Variants in COL22A1 observed in about 807,000 individuals in gnomAD.
The protein encoded by COL22A1 is collagen alpha-1(XXII) chain.
In COL22A1, 221 loss-of-function variants were observed where a neutral mutation model predicts 248.9. The ratio of observed to expected loss-of-function variants is 0.89; its 90% confidence interval spans 0.80 to 0.99. The LOEUF is 0.99. COL22A1 is among the 50% of genes least tolerant of loss of function. The probability of loss-of-function intolerance (pLI) is 0.00; values close to 1 mark genes in which losing one functional copy is unlikely to be tolerated. For synonymous variants in COL22A1, 891 were observed against 793.4 expected, an observed-to-expected ratio of 1.12 and a Z score of -2.07; for missense variants, 2,240 against 2,179.0, an observed-to-expected ratio of 1.03 and a Z score of -0.56.
At chr8:138,794,924 G>A (rs1816369802) in intron 12 of COL22A1, among the ~76,000 whole-genome samples, 1 of 152,076 alleles carries the variant, frequency 6.6e-6, no homozygotes, top group East Asian at 1.9e-4. Flanking sequence ...ATGGGGAGAT[G>A]CCAATTAATG....
rs761797495 is a variant in COL22A1 at position 138,694,864 on chromosome 8, T to C, written c.2608A>G (p.Lys870Glu). 3 of 1,614,052 alleles carry C rather than the reference T, an allele frequency of 1.9e-6. No individual in the cohort carries two copies. The South Asian group carries it at 3.3e-5, about 18-fold the overall frequency. ...AGGCCTGGATCGCCCTTCTCTCCTTTGGGCCCTTGTTCTCCCTGTTGGTGA... is the reference window on the plus strand; with the variant it reads ...AGGCCTGGATCGCCCTTCTCTCCTTCGGGCCCTTGTTCTCCCTGTTGGTGA... Reference protein sequence around the residue: ...HPRMPGEQGPKGEKGDPGLPG... With the variant: ...HPRMPGEQGPEGEKGDPGLPG... The change falls in exon 33 of 65, where the codon AAA (lysine) becomes GAA (glutamate). Residue 870 changes from lysine to glutamate, a missense_variant. Lys to Glu is a moderately conservative substitution (Grantham distance 56, BLOSUM62 1). Coordinates refer to ENST00000303045, the MANE Select transcript of COL22A1 (RefSeq NM_152888.3).
chr8:138,825,290 G>T (rs1027377284), intron 6 of COL22A1, among the ~76,000 whole-genome samples: 1 of 152,162 alleles, frequency 6.6e-6, no homozygotes, highest in Admixed American at 6.5e-5. Context: ...ATCTCAGTAT[G>T]ACCAGGGATG....
intron 56 of COL22A1, among the ~76,000 whole-genome samples, chr8:138,611,886 A>G (rs568325749): frequency 3.3e-5 from 5 of 152,362 alleles, no homozygotes; most frequent in African/African-American, 9.6e-5. Flanking sequence ...TGGAGAATAC[A>G]GGATTTGGCA....
At chr8:138,634,594 G>A (rs1820991160) in intron 49 of COL22A1, among the ~76,000 whole-genome samples, 1 of 152,072 alleles carries the variant, frequency 6.6e-6, no homozygotes, top group Non-Finnish European at 1.5e-5. Flanking sequence ...ATTTGCTCAG[G>A]GGGCCCAGTG....
At chr8:138,801,464 G>A (rs1816994967) in intron 11 of COL22A1, among the ~76,000 whole-genome samples, 1 of 152,152 alleles carries the variant, frequency 6.6e-6, no homozygotes, top group Non-Finnish European at 1.5e-5. Flanking sequence ...GAAGAGGCTT[G>A]TTTCCTGGGT....
rs59097266 is a variant in COL22A1 at position 138,838,772 on chromosome 8, TA to T, written c.733+5311del. On this transcript the variant is annotated intron_variant, in intron 4 of 64. Coordinates refer to ENST00000303045, the MANE Select transcript of COL22A1 (RefSeq NM_152888.3). Reference sequence around the variant, plus strand: ...GGCTGTGATGCAAGGCACTGTGAGATAAAAAAAAAGCAATTGTTTTATGCAA... The same window carrying T: ...GGCTGTGATGCAAGGCACTGTGAGATAAAAAAAAGCAATTGTTTTATGCAA... Among the ~76,000 whole-genome samples the T allele has an allele frequency of 5.7e-3, 853 of 150,354 alleles. 5 individuals carry two copies. The highest frequency in any genetic ancestry group is 0.018 in the African/African-American group (756 of 41,006).
At chr8:138,626,266 A>G in intron 50 of COL22A1, 23 bp from the exon 51 acceptor site, 1 of 1,594,320 alleles carries the variant, frequency 6.3e-7, no homozygotes, top group African/African-American at 1.3e-5. Flanking sequence ...AGACATAAAA[A>G]CACCATGAAA....
At chr8:138,837,489 G>C (rs149688746) in intron 4 of COL22A1, among the ~76,000 whole-genome samples, 121 of 152,316 alleles carry the variant, frequency 7.9e-4, no homozygotes, top group Middle Eastern at 6.8e-3. Context: ...TGCCCCAGAG[G>C]CTGCAGTCTC....
intron 47 of COL22A1, among the ~76,000 whole-genome samples, chr8:138,643,196 T>C (rs535199251): frequency 3.1e-3 from 471 of 152,044 alleles, no homozygotes; most frequent in African/African-American, 0.01. Context: ...CAGTAAGGAG[T>C]TCCAACATTT....
At chr8:138,901,358 G>GTTTTTTTTTTTT (rs146670099) in intron 1 of COL22A1, among the ~76,000 whole-genome samples, 2 of 131,512 alleles carry the variant, frequency 1.5e-5, no homozygotes, top group African/African-American at 5.6e-5. Context: ...TTACTGGCAG[G>GTTTTTTTTTTTT]TTTTTTTTTT....
At chr8:138,630,443 G>A (rs542238302) in intron 50 of COL22A1, among the ~76,000 whole-genome samples, 1 of 152,324 alleles carries the variant, frequency 6.6e-6, no homozygotes, top group African/African-American at 2.4e-5. Flanking sequence ...ATTGACAGTT[G>A]TAAACTGAAT....
At chr8:138,815,394 TA>T (rs1048597848) in intron 7 of COL22A1, among the ~76,000 whole-genome samples, 4 of 152,160 alleles carry the variant, frequency 2.6e-5, no homozygotes, top group African/African-American at 9.7e-5. Flanking sequence ...CTTGCTAATG[TA>T]TCAGAGCTGT....
chr8:138,746,479 A>G (rs1040270378), intron 22 of COL22A1, among the ~76,000 whole-genome samples: 2 of 152,232 alleles, frequency 1.3e-5, no homozygotes, highest in Non-Finnish European at 2.9e-5. Context: ...ACAACATTAC[A>G]ATTTGTTTCT....
intron 16 of COL22A1, among the ~76,000 whole-genome samples, chr8:138,768,561 T>C (rs1435488676): frequency 6.6e-6 from 1 of 152,198 alleles, no homozygotes; most frequent in African/African-American, 2.4e-5. Flanking sequence ...TAAAGTACCC[T>C]TCATTTGTTG....
chr8:138,599,948 T>C (rs937760776), intron 60 of COL22A1, among the ~76,000 whole-genome samples: 8 of 152,192 alleles, frequency 5.3e-5, no homozygotes, highest in African/African-American at 1.9e-4. Flanking sequence ...CTTTATGGCC[T>C]GGTTTTGCTC....
chr8:138,877,748 A>C lies in COL22A1; in HGVS notation c.658+2T>G. ...GGCCGCATGGGGCCCGGGCGCACTC[A>C]CTTTCACAAAGACGGCGCCGCAGCT... On this transcript the variant is annotated splice_donor_variant, in intron 3 of 64. Transcript: ENST00000303045. LOFTEE classifies it high-confidence loss of function. 6.4e-7 allele frequency: 1 copy of C among 1,574,042 alleles called. No homozygotes were observed. Among genetic ancestry groups the C allele is most frequent in the Non-Finnish European group, 8.6e-7 (1 of 1,157,870 alleles).
chr8:138,880,855 A>G (rs748423021), intron 2 of COL22A1, among the ~76,000 whole-genome samples: 7 of 152,234 alleles, frequency 4.6e-5, no homozygotes, highest in African/African-American at 1.7e-4. Context: ...CTGTAATCCT[A>G]GAACAAATTT....
rs1248538704 is a variant in COL22A1, at chr8:138,877,923, G to A, written c.485C>T (p.Ala162Val). The A allele has an allele frequency of 8.1e-6, 13 of 1,606,200 alleles. No homozygotes were observed. Among genetic ancestry groups the A allele is most frequent in the East Asian group, 6.7e-5 (3 of 44,552 alleles). The change falls in exon 3 of 65, where the codon GCG becomes GTG. Residue 162 changes from alanine (A) to valine (V), a missense_variant. Transcript: ENST00000303045. ...GRSQDLVLDA[A>V]AAAHRAGIRI... is the part of the protein sequence containing the mutation. ...GATGCCAGCGCGGTGGGCTGCCGCC[G>A]CGGCGTCCAGCACCAGGTCCTGGCT...
intron 56 of COL22A1, among the ~76,000 whole-genome samples, chr8:138,611,028 T>C (rs191064476): frequency 0.026 from 3,892 of 152,318 alleles, 162 homozygotes; most frequent in African/African-American, 0.087. Flanking sequence ...ATCATGCCAC[T>C]GAAGTCCAGC....
Sources: allele counts gnomAD v4.1 joint callset (sites outside exome capture counted in the v4.1 genomes callset), GRCh38; gene constraint gnomAD v4.1.1; transcripts MANE v1.5; gene names NCBI Gene and HGNC (gene_info 2026-07-23, HGNC 2026-07-21).